Variants in MINDY3 observed in about 807,000 individuals in gnomAD.
MINDY3 encodes the protein ubiquitin carboxyl-terminal hydrolase MINDY-3.
Under a neutral mutation model 69.2 loss-of-function variants are expected in MINDY3, and 38 were observed. The observed-to-expected ratio is 0.55, with a 90% CI of 0.42 to 0.72. The LOEUF (loss-of-function observed/expected upper bound fraction) is 0.72. Ranked by LOEUF, MINDY3 falls within the 30% of genes least tolerant of loss-of-function variation. MINDY3 has a pLI of 0.00. For missense variants in MINDY3, 522 were observed against 519.0 expected (o/e 1.01, Z -0.06); for synonymous variants, 192 against 180.1 (o/e 1.07, Z -0.53).
chr10:15,838,899 C>T (rs957092821), intron 4 of MINDY3, among the ~76,000 whole-genome samples: 1 of 151,596 alleles, frequency 6.6e-6, no homozygotes, highest in South Asian at 2.1e-4. Flanking sequence ...AAGTGCCAGG[C>T]CCTTTTCTAA....
At chr10:15,779,176 A>G (rs989119405) in intron 14 of MINDY3, 35 bp from the exon 15 acceptor site, 4 of 1,596,820 alleles carry the variant, frequency 2.5e-6, no homozygotes, top group Middle Eastern at 1.7e-4. Context: ...AGGTCAAGCA[A>G]CAGTCTTAGC....
At chr10:15,789,460 C>A in intron 11 of MINDY3, 141 bp from the exon 12 acceptor site, 1 of 583,862 alleles carries the variant, frequency 1.7e-6, no homozygotes. Flanking sequence ...TTATTTTAGG[C>A]ATAGTGCCTA....
chr10:15,802,193 G>A (rs527630636), intron 10 of MINDY3, among the ~76,000 whole-genome samples: 8 of 151,976 alleles, frequency 5.3e-5, no homozygotes, highest in Non-Finnish European at 8.8e-5. Context: ...TATGCAGGGG[G>A]TTAGCACCCC....
At chr10:15,817,632 C>G (rs1257681255) in intron 9 of MINDY3, 1 of 152,202 alleles carries the variant, frequency 6.6e-6, no homozygotes, top group Non-Finnish European at 1.5e-5. Flanking sequence ...TGAAACCCAA[C>G]ACGTTCACAC....
chr10:15,824,858 A>C (rs1411522440), intron 8 of MINDY3, among the ~76,000 whole-genome samples: 1 of 152,232 alleles, frequency 6.6e-6, no homozygotes, highest in Non-Finnish European at 1.5e-5. Flanking sequence ...CAGTAAACAC[A>C]TGCTTAGACA....
intron 11 of MINDY3, among the ~76,000 whole-genome samples, chr10:15,795,103 T>C (rs903006648): frequency 7.2e-5 from 11 of 152,060 alleles, no homozygotes; most frequent in African/African-American, 2.7e-4. Context: ...GGAATGTTCA[T>C]AGTTATACTG....
intron 12 of MINDY3, chr10:15,788,857 A>C (rs986434227): frequency 6.5e-6 from 1 of 154,786 alleles, no homozygotes; most frequent in African/African-American, 2.4e-5. Context: ...TTAAGAGGGA[A>C]AGTCAGAGGC....
At chr10:15,799,887 C>T (rs1340529669) in intron 10 of MINDY3, among the ~76,000 whole-genome samples, 1 of 152,092 alleles carries the variant, frequency 6.6e-6, no homozygotes, top group Non-Finnish European at 1.5e-5. Context: ...GCGAGCTTCT[C>T]GTGAGCTATT....
intron 13 of MINDY3, among the ~76,000 whole-genome samples, chr10:15,783,073 C>T (rs1034480468): frequency 6.6e-6 from 1 of 152,108 alleles, no homozygotes; most frequent in South Asian, 2.1e-4. Context: ...TTTTTTCCAA[C>T]TGGAATTAAG....
At chr10:15,849,279 T>G (rs1369903313) in intron 1 of MINDY3, among the ~76,000 whole-genome samples, 1 of 152,182 alleles carries the variant, frequency 6.6e-6, no homozygotes, top group Non-Finnish European at 1.5e-5. Flanking sequence ...AGAATGTTTA[T>G]AAATCAGAGA....
chr10:15,855,474 C>T (rs995126284), intron 1 of MINDY3, among the ~76,000 whole-genome samples: 5 of 151,988 alleles, frequency 3.3e-5, no homozygotes, highest in Admixed American at 6.6e-5. Context: ...TTCCTGATTA[C>T]GTCTGAAATT....
intron 2 of MINDY3, among the ~76,000 whole-genome samples, chr10:15,846,114 C>G (rs957735117): frequency 6.6e-6 from 1 of 151,974 alleles, no homozygotes; most frequent in African/African-American, 2.4e-5. Flanking sequence ...TGAGCCACCA[C>G]GCCTGGCCGT....
chr10:15,825,235 G>A (rs1331406416), intron 8 of MINDY3, among the ~76,000 whole-genome samples: 1 of 152,108 alleles, frequency 6.6e-6, no homozygotes, highest in East Asian at 1.9e-4. Context: ...TGCTAAACTG[G>A]TGAGGAAAAA....
chr10:15,815,787 T>C (rs1297569778), intron 10 of MINDY3, among the ~76,000 whole-genome samples: 1 of 152,230 alleles, frequency 6.6e-6, no homozygotes. Context: ...CTAGGTACTA[T>C]TATGAATCCC....
intron 1 of MINDY3, chr10:15,857,862 C>T (rs1181558667): frequency 1.4e-6 from 1 of 712,530 alleles, no homozygotes; most frequent in African/African-American, 1.9e-5. Flanking sequence ...GATGAAATAT[C>T]TCTAGACATA....
chr10:15,797,305 G>A (rs1353098138), intron 10 of MINDY3, among the ~76,000 whole-genome samples: 1 of 152,066 alleles, frequency 6.6e-6, no homozygotes, highest in Non-Finnish European at 1.5e-5. Flanking sequence ...AAAAGGTAAA[G>A]CAACTTAAAA....
intron 8 of MINDY3, among the ~76,000 whole-genome samples, chr10:15,829,536 G>C (rs999263970): frequency 4.6e-5 from 7 of 152,178 alleles, no homozygotes; most frequent in Admixed American, 4.6e-4. Context: ...TATAAACATA[G>C]GGTTGAGTAC....
At chr10:15,838,422 C>A in intron 4 of MINDY3, 143 bp from the exon 5 acceptor site, 1 of 542,098 alleles carries the variant, frequency 1.8e-6, no homozygotes, top group Non-Finnish European at 3.0e-6. Flanking sequence ...TTTTCAACTT[C>A]ATTATAACAT....
intron 11 of MINDY3, among the ~76,000 whole-genome samples, chr10:15,790,710 A>AT (rs1278113102): frequency 2.6e-5 from 4 of 152,100 alleles, no homozygotes; most frequent in Admixed American, 2.0e-4. Context: ...TAGATTTCAA[A>AT]TTTTTTCTGG....
Sources: gnomAD v4.1 joint callset for allele counts (sites outside exome capture counted in the v4.1 genomes callset) on GRCh38, gnomAD v4.1.1 for gene constraint, MANE v1.5 for transcripts, NCBI Gene and HGNC (gene_info 2026-07-23, HGNC 2026-07-21) for gene names.